PTPRM: variants seen among roughly 807,000 people sequenced by gnomAD.
PTPRM encodes the protein receptor-type tyrosine-protein phosphatase mu.
In PTPRM, 47 loss-of-function variants were observed where a neutral mutation model predicts 186.7. The observed-to-expected ratio is 0.25, with a 90% CI of 0.20 to 0.32. The LOEUF is 0.32. Among genes scored for constraint, PTPRM ranks in the 10% least tolerant of loss-of-function variants. The pLI, the probability that PTPRM is intolerant of heterozygous loss-of-function variation, is 1.00. For missense variants in PTPRM, 1,494 were observed against 1,865.0 expected, an observed-to-expected ratio of 0.80 and a Z score of 3.66; for synonymous variants, 668 against 674.9, an observed-to-expected ratio of 0.99 and a Z score of 0.16.
At chr18:7,838,147 C>A (rs28859109) in intron 2 of PTPRM, among the ~76,000 whole-genome samples, 8,779 of 152,112 alleles carry the variant, frequency 0.058, 622 homozygotes, top group African/African-American at 0.17. Context: ...CTGGGGAGGC[C>A]TCAGGAAACT....
chr18:7,776,372 A>G (rs2042580617), intron 2 of PTPRM, among the ~76,000 whole-genome samples: 1 of 152,188 alleles, frequency 6.6e-6, no homozygotes, highest in Non-Finnish European at 1.5e-5. Flanking sequence ...AGGAAAGGGA[A>G]GGACTGGCAG....
intron 5 of PTPRM, among the ~76,000 whole-genome samples, chr18:7,943,287 G>C (rs1391296463): frequency 3.3e-5 from 5 of 152,050 alleles, no homozygotes; most frequent in Admixed American, 1.3e-4. Context: ...TGGCTCTTCT[G>C]TCTCTTCATG....
chr18:8,361,795 C>T (rs1308828261), intron 23 of PTPRM, among the ~76,000 whole-genome samples: 1 of 152,212 alleles, frequency 6.6e-6, no homozygotes. Context: ...GCCCCAAGCC[C>T]TCCTGCCTGC....
At chr18:8,126,829 G>A (rs994162172) in intron 13 of PTPRM, among the ~76,000 whole-genome samples, 56 of 152,220 alleles carry the variant, frequency 3.7e-4, no homozygotes, top group African/African-American at 1.3e-3. Context: ...AGGTACAAAG[G>A]TCCGGTGGTG....
intron 22 of PTPRM, among the ~76,000 whole-genome samples, chr18:8,332,247 C>T (rs2095415798): frequency 6.6e-6 from 1 of 151,880 alleles, no homozygotes. Context: ...GATTATTAAC[C>T]AGAAAAGAGA....
intron 1 of PTPRM, among the ~76,000 whole-genome samples, chr18:7,748,140 A>G (rs2041041481): frequency 6.6e-6 from 1 of 152,240 alleles, no homozygotes; most frequent in Non-Finnish European, 1.5e-5. Flanking sequence ...GCTGTAGACC[A>G]GAACTGTCCA....
chr18:7,829,902 A>G (rs1038794416), intron 2 of PTPRM, among the ~76,000 whole-genome samples: 5 of 152,040 alleles, frequency 3.3e-5, no homozygotes, highest in Non-Finnish European at 4.4e-5. Flanking sequence ...AGACATTTCA[A>G]TGTTTGAGTA....
intron 8 of PTPRM, among the ~76,000 whole-genome samples, chr18:8,070,944 C>T (rs1257752991): frequency 1.3e-5 from 2 of 152,142 alleles, no homozygotes; most frequent in Admixed American, 6.5e-5. Context: ...ACTACTTTAT[C>T]GTTTCATTTA....
At chr18:8,364,298 AAC>A (rs1422662686) in intron 23 of PTPRM, among the ~76,000 whole-genome samples, 1 of 152,190 alleles carries the variant, frequency 6.6e-6, no homozygotes, top group Non-Finnish European at 1.5e-5. Flanking sequence ...TGCATGAGAA[AAC>A]AGGCTCGGGG....
At chr18:7,706,626 A>C (rs892231053) in intron 1 of PTPRM, among the ~76,000 whole-genome samples, 6 of 149,978 alleles carry the variant, frequency 4.0e-5, no homozygotes, top group Non-Finnish European at 7.4e-5. Context: ...AAAAAAAAAA[A>C]AAAACAACAA....
At chr18:8,216,254 G>C (rs1405910709) in intron 14 of PTPRM, among the ~76,000 whole-genome samples, 1 of 151,738 alleles carries the variant, frequency 6.6e-6, no homozygotes, top group Non-Finnish European at 1.5e-5. Flanking sequence ...CATATCCTCT[G>C]TATCTGGAAT....
intron 19 of PTPRM, among the ~76,000 whole-genome samples, chr18:8,288,569 A>G (rs1215902342): frequency 1.3e-5 from 2 of 152,234 alleles, no homozygotes; most frequent in African/African-American, 4.8e-5. Context: ...GTCAGTCTCT[A>G]TAATCCCACA....
chr18:8,040,638 CTG>C (rs1263566693), intron 7 of PTPRM, among the ~76,000 whole-genome samples: 2 of 152,116 alleles, frequency 1.3e-5, no homozygotes, highest in Admixed American at 1.3e-4. Flanking sequence ...ATTTTCACTT[CTG>C]TGTTCTATTG....
chr18:7,658,330 T>TTATATATATATATATATATATA lies in PTPRM; in HGVS notation c.73+90448_73+90469dup, dbSNP rs34009975. On this transcript the variant is annotated intron_variant, in intron 1 of 32. Transcript: ENST00000580170. ...GTGGCTTCCTAAAATTAAAGTAAAT[T>TTATATATATATATATATATATA]TATATATATATATATATATATATAT... Among the ~76,000 whole-genome samples the TTATATATATATATATATATATA allele has an allele frequency of 2.9e-4, 36 of 124,408 alleles. 1 individual carries two copies. The highest frequency in any genetic ancestry group is 1.0e-3 in the African/African-American group (33 of 32,656). 81.6% of individuals were successfully genotyped at this position (124,408 alleles called of 152,430 possible).
At chr18:8,312,198 T>C (rs1037101744) in intron 20 of PTPRM, among the ~76,000 whole-genome samples, 1 of 152,152 alleles carries the variant, frequency 6.6e-6, no homozygotes, top group African/African-American at 2.4e-5. Flanking sequence ...TTGCCGGTGC[T>C]TGTGGCACCC....
At chr18:7,760,199 A>C (rs1028251566) in intron 1 of PTPRM, among the ~76,000 whole-genome samples, 1 of 152,082 alleles carries the variant, frequency 6.6e-6, no homozygotes. Flanking sequence ...TATTTTATTT[A>C]GTTTTTCTAT....
chr18:8,350,293 C>G (rs958721355), intron 23 of PTPRM, among the ~76,000 whole-genome samples: 7 of 152,126 alleles, frequency 4.6e-5, no homozygotes, highest in African/African-American at 1.7e-4. Context: ...GGTAAAAACC[C>G]CACCCCAAAG....
chr18:7,697,360 C>T (rs1318071636), intron 1 of PTPRM, among the ~76,000 whole-genome samples: 1 of 152,100 alleles, frequency 6.6e-6, no homozygotes, highest in African/African-American at 2.4e-5. Context: ...CTCTTGAATT[C>T]TTTTTTTATG....
At chr18:7,666,458 G>T (rs1598332864) in intron 1 of PTPRM, among the ~76,000 whole-genome samples, 2 of 152,278 alleles carry the variant, frequency 1.3e-5, no homozygotes, top group South Asian at 4.1e-4. Flanking sequence ...TAAACACTGG[G>T]GCACCCTTAT....
Sources: allele counts gnomAD v4.1 joint callset (sites outside exome capture counted in the v4.1 genomes callset), GRCh38; gene constraint gnomAD v4.1.1; transcripts MANE v1.5; gene names NCBI Gene and HGNC (gene_info 2026-07-23, HGNC 2026-07-21).